Variants in PTPRA observed in about 807,000 individuals in gnomAD.
The protein encoded by PTPRA is protein tyrosine phosphatase receptor type A.
Under a neutral mutation model 104.8 loss-of-function variants are expected in PTPRA, and 25 were observed. The ratio of observed to expected loss-of-function variants is 0.24; its 90% CI spans 0.17 to 0.33. PTPRA has a LOEUF of 0.33. PTPRA is among the 10% of genes least tolerant of loss of function. PTPRA has a pLI of 1.00. For synonymous variants in PTPRA, 323 were observed against 368.9 expected (o/e 0.88, Z 1.43); for missense variants, 765 against 1,015.3 (o/e 0.75, Z 3.35).
chr20:2,909,934 AAT>A (rs1197969930), intron 1 of PTPRA, among the ~76,000 whole-genome samples: 2 of 129,768 alleles, frequency 1.5e-5, no homozygotes, highest in East Asian at 4.0e-4. Context: ...TGTTATATAT[AAT>A]ATGTGTAATT....
intron 1 of PTPRA, among the ~76,000 whole-genome samples, chr20:2,913,726 C>A (rs2059801836): frequency 6.6e-6 from 1 of 152,238 alleles, no homozygotes; most frequent in Non-Finnish European, 1.5e-5. Context: ...TTGATGTTAA[C>A]CTTGGTCACT....
intron 1 of PTPRA, among the ~76,000 whole-genome samples, chr20:2,884,812 GTTTT>G (rs34457101): frequency 1.6e-5 from 2 of 127,032 alleles, no homozygotes; most frequent in Admixed American, 8.4e-5. Context: ...TGTTTTTTTT[GTTTT>G]TTTTTTTTTT....
intron 3 of PTPRA, 94 bp downstream of exon 3, chr20:2,948,118 T>C (rs1276202834): frequency 5.5e-6 from 3 of 541,872 alleles, no homozygotes; most frequent in African/African-American, 2.0e-5. Flanking sequence ...AAGCTGCTTA[T>C]GGCATAATCT....
Position 2,992,432 on chromosome 20 carries a change from G to T in PTPRA, c.738+3958G>T, listed in dbSNP as rs573734651. ...CTCGGGAGGTTGAGGCAGGAGAATC[G>T]CTTGAACCCGGGAGGCAGAGGTTGC... On this transcript the variant is annotated intron_variant, in intron 9 of 23. Transcript: ENST00000399903. 3.9e-5 allele frequency among the ~76,000 whole-genome samples: 6 copies of T among 152,226 alleles called. No individual in the cohort carries two copies. In the East Asian group the frequency reaches 9.7e-4, roughly 25 times the overall value.
intron 1 of PTPRA, among the ~76,000 whole-genome samples, chr20:2,904,832 CA>C (rs1201718519): frequency 6.6e-6 from 1 of 151,972 alleles, no homozygotes; most frequent in Non-Finnish European, 1.5e-5. Context: ...ATTCAGAAAT[CA>C]GGGAGAAAAT....
intron 3 of PTPRA, 147 bp from the exon 4 acceptor site, chr20:2,964,125 G>A (rs2061859304): frequency 3.1e-6 from 2 of 653,496 alleles, no homozygotes; most frequent in African/African-American, 1.9e-5. Context: ...GGATATCTGA[G>A]GAAGCATGCA....
intron 10 of PTPRA, among the ~76,000 whole-genome samples, chr20:3,005,349 A>C (rs2063814359): frequency 6.6e-6 from 1 of 152,056 alleles, no homozygotes; most frequent in Non-Finnish European, 1.5e-5. Context: ...AGGAGTTTGA[A>C]ACTAGCCTGG....
At chr20:2,926,769 C>CTTTTTTTTTTTTTTTTT (rs777386962) in intron 2 of PTPRA, among the ~76,000 whole-genome samples, 361 of 85,024 alleles carry the variant, frequency 4.2e-3, no homozygotes, top group Middle Eastern at 0.022. Context: ...TTTCCTTTTC[C>CTTTTTTTTTTTTTTTTT]TTTTTTTTTT....
At chr20:2,896,542 C>CTT (rs1360636130) in intron 1 of PTPRA, among the ~76,000 whole-genome samples, 3 of 152,182 alleles carry the variant, frequency 2.0e-5, no homozygotes, top group Admixed American at 6.5e-5. Flanking sequence ...CTCTTTCTCA[C>CTT]TTCACCCATC....
rs139659183 is a variant in PTPRA at position 2,951,797 on chromosome 20, C to T, written c.-7+3773C>T. ...GAACTGCGAGTAACTGTCTTGTCAG[C>T]GGCAATCATCTTGTGATCTGTTGGC... On this transcript the variant is annotated intron_variant, in intron 3 of 23. Coordinates refer to ENST00000399903, the MANE Select transcript of PTPRA (RefSeq NM_001385305.1). Among the ~76,000 whole-genome samples the T allele has an allele frequency of 7.5e-3, 1,138 of 152,270 alleles. 13 individuals carry two copies. The highest frequency in any genetic ancestry group is 0.037 in the South Asian group (179 of 4,828).
intron 1 of PTPRA, among the ~76,000 whole-genome samples, chr20:2,915,384 T>C (rs1469482891): frequency 6.6e-6 from 1 of 152,230 alleles, no homozygotes; most frequent in Non-Finnish European, 1.5e-5. Context: ...TCTTTTCATG[T>C]GCTTGTTGGC....
intron 3 of PTPRA, among the ~76,000 whole-genome samples, chr20:2,953,315 C>T (rs554261675): frequency 1.8e-4 from 28 of 151,856 alleles, no homozygotes; most frequent in South Asian, 1.5e-3. Flanking sequence ...AGTGTAGTGG[C>T]GCAATCTCGG....
At chr20:2,999,831 A>G (rs1355078004) in intron 9 of PTPRA, among the ~76,000 whole-genome samples, 1 of 152,224 alleles carries the variant, frequency 6.6e-6, no homozygotes, top group East Asian at 1.9e-4. Context: ...ATGTTGATAA[A>G]AGGGAAGATT....
chr20:2,885,808 G>A (rs932075948), intron 1 of PTPRA, among the ~76,000 whole-genome samples: 1 of 152,048 alleles, frequency 6.6e-6, no homozygotes, highest in Admixed American at 6.5e-5. Flanking sequence ...GCCCACGCCT[G>A]TAATCCCAGC....
intron 2 of PTPRA, among the ~76,000 whole-genome samples, chr20:2,941,655 T>C (rs967689536): frequency 6.6e-6 from 1 of 152,168 alleles, no homozygotes; most frequent in African/African-American, 2.4e-5. Context: ...AAAATCACCC[T>C]TGTGTGGCCC....
intron 1 of PTPRA, among the ~76,000 whole-genome samples, chr20:2,895,594 G>A (rs1014338705): frequency 5.9e-5 from 9 of 152,076 alleles, no homozygotes; most frequent in African/African-American, 2.2e-4. Context: ...CTGGCTCACT[G>A]CAAACTTAGC....
the PTPRA span, chr20:2,866,780 C>G: frequency 4.3e-6 from 3 of 696,404 alleles, no homozygotes; most frequent in African/African-American, 3.6e-5. Context: ...AAGCTCAAGA[C>G]AGGATCCTCC....
the PTPRA span, chr20:2,864,554 A>T: frequency 4.1e-4 from 664 of 1,614,122 alleles, 5 homozygotes; most frequent in East Asian, 8.1e-3. This position sits in a 1 kb window ranked among gnomAD's most constrained non-coding sequence, Gnocchi z 5.2. Flanking sequence ...CAGTTCTGTA[A>T]GCATCAGGAG....
chr20:2,978,496 GT>G (rs1199076840), intron 6 of PTPRA, among the ~76,000 whole-genome samples: 3 of 152,196 alleles, frequency 2.0e-5, no homozygotes, highest in Non-Finnish European at 4.4e-5. Context: ...TTACTGACTA[GT>G]TTGTAGTTGA....
Sources: gnomAD v4.1 joint callset for allele counts (sites outside exome capture counted in the v4.1 genomes callset) on GRCh38, gnomAD v4.1.1 for gene constraint, Gnocchi (gnomAD v3.1) non-coding constraint, MANE v1.5 for transcripts, NCBI Gene and HGNC (gene_info 2026-07-23, HGNC 2026-07-21) for gene names.